IPO5: variants seen among roughly 807,000 people sequenced by gnomAD.
The protein encoded by IPO5 is importin 5.
IPO5 carries 18 observed loss-of-function variants against 143.3 expected under a neutral mutation model. The ratio of observed to expected loss-of-function variants is 0.13; its 90% CI spans 0.09 to 0.19. The LOEUF is 0.19. Ranked by LOEUF, IPO5 falls within the 10% of genes least tolerant of loss-of-function variation. IPO5 has a pLI of 1.00. For synonymous variants in IPO5, 477 were observed against 465.7 expected, an observed-to-expected ratio of 1.02 and a Z score of -0.31; for missense variants, 1,013 against 1,336.9, an observed-to-expected ratio of 0.76 and a Z score of 3.78.
At chr13:98,008,724 C>T (rs1661984527) in intron 18 of IPO5, among the ~76,000 whole-genome samples, 1 of 152,168 alleles carries the variant, frequency 6.6e-6, no homozygotes, top group African/African-American at 2.4e-5. Context: ...TCATCCTTTA[C>T]AAGATTTTCC....
intron 5 of IPO5, among the ~76,000 whole-genome samples, 160 bp from the exon 6 acceptor site, chr13:97,985,261 G>A (rs1887229206): frequency 6.6e-6 from 1 of 152,094 alleles, no homozygotes; most frequent in Non-Finnish European, 1.5e-5. Context: ...TTATTTTGTG[G>A]CACTAACAAA....
chr13:97,997,326 A>G (rs771067896), intron 11 of IPO5, among the ~76,000 whole-genome samples: 5 of 152,158 alleles, frequency 3.3e-5, no homozygotes, highest in Non-Finnish European at 5.9e-5. Context: ...GGTTTGACTT[A>G]ATGAATGTTG....
rs768654601 is a variant in IPO5, at chr13:98,002,508, G to A, written c.1150G>A (p.Ala384Thr). The A allele has an allele frequency of 1.9e-6, 3 of 1,613,810 alleles. No homozygotes were observed. In the African/African-American group the frequency reaches 4.0e-5, roughly 22 times the overall value. ...YRHAGLMALS[A>T]IGEGCHQQME... is the part of the protein sequence containing the mutation. ...GCATGCAGGATTGATGGCCTTATCT[G>A]CCATTGGTGAAGGGTGCCACCAGCA... Residue 384 changes from alanine (A) to threonine (T), a missense_variant, in exon 14 of 29, where the codon GCC (alanine) becomes ACC (threonine). Ala to Thr is a moderately conservative substitution (Grantham distance 58). Transcript: ENST00000651721.
chr13:98,004,458 C>T (rs557345852), intron 16 of IPO5, among the ~76,000 whole-genome samples: 55 of 152,300 alleles, frequency 3.6e-4, no homozygotes, highest in African/African-American at 1.1e-3. Flanking sequence ...TTGGTTAAAT[C>T]AGTAATGGAT....
chr13:97,998,135 C>G (rs1015636908), intron 12 of IPO5, among the ~76,000 whole-genome samples: 1 of 152,138 alleles, frequency 6.6e-6, no homozygotes, highest in African/African-American at 2.4e-5. Context: ...GCCACCACGT[C>G]CAGCTAATTT....
chr13:98,003,804 G>A (rs1888990129), intron 16 of IPO5, among the ~76,000 whole-genome samples: 3 of 151,972 alleles, frequency 2.0e-5, no homozygotes, highest in South Asian at 4.1e-4. Context: ...CTGAGGTGGT[G>A]CCACTGCCCT....
At chr13:97,967,149 G>GC (rs2139529820) in intron 2 of IPO5, among the ~76,000 whole-genome samples, 1 of 152,302 alleles carries the variant, frequency 6.6e-6, no homozygotes, top group South Asian at 2.1e-4. Flanking sequence ...TTCTAGAAAT[G>GC]TGTCCATTTC....
rs1210482429 is a variant in IPO5, at chr13:97,993,181, C to T, written c.869C>T (p.Ala290Val). 3.1e-6 allele frequency: 5 copies of T among 1,613,594 alleles called. No individual in the cohort carries two copies. The highest frequency in any genetic ancestry group is 1.1e-5 in the South Asian group (1 of 91,080). Residue 290 changes from alanine to valine, a missense_variant, in exon 11 of 29, where the codon GCA (alanine) becomes GTA (valine). Physicochemically the swap from Ala to Val is moderately conservative, Grantham distance 64 (BLOSUM62 0). Coordinates refer to ENST00000651721, the MANE Select transcript of IPO5 (RefSeq NM_002271.6). ...GTGATCGTCACCCTCTCTGAGACTGCAGCTGCTATGTTAAGAAAACATACC... is the reference window on the plus strand; with the variant it reads ...GTGATCGTCACCCTCTCTGAGACTGTAGCTGCTATGTTAAGAAAACATACC... ...LEVIVTLSET[A>V]AAMLRKHTNI...
intron 2 of IPO5, among the ~76,000 whole-genome samples, chr13:97,965,773 G>GTGTA (rs1885279147): frequency 6.6e-6 from 1 of 151,934 alleles, no homozygotes; most frequent in Admixed American, 6.6e-5. Flanking sequence ...GTGTGTGTGT[G>GTGTA]TGTGTGTGTG....
chr13:97,986,072 G>A (rs940552612), intron 6 of IPO5, among the ~76,000 whole-genome samples: 8 of 151,870 alleles, frequency 5.3e-5, no homozygotes, highest in African/African-American at 1.7e-4. Context: ...CGGTGATCAC[G>A]CTACTGCACT....
At chr13:97,962,428 G>A (rs928539946) in intron 2 of IPO5, among the ~76,000 whole-genome samples, 1 of 152,118 alleles carries the variant, frequency 6.6e-6, no homozygotes, top group Non-Finnish European at 1.5e-5. Flanking sequence ...TCATTCTAAC[G>A]CATGTGGATA....
At chr13:97,974,881 T>G (rs1485797114) in intron 3 of IPO5, among the ~76,000 whole-genome samples, 3 of 152,130 alleles carry the variant, frequency 2.0e-5, no homozygotes, top group South Asian at 4.1e-4. Flanking sequence ...CTAAGAGAAT[T>G]TTCTCTAGGA....
chr13:97,965,102 ACAC>A (rs1885210682), intron 2 of IPO5, among the ~76,000 whole-genome samples: 1 of 152,136 alleles, frequency 6.6e-6, no homozygotes, highest in African/African-American at 2.4e-5. Flanking sequence ...AGAAAACCAA[ACAC>A]CACATGTTCT....
At chr13:98,008,174 G>T in intron 18 of IPO5, 32 bp downstream of exon 18, 3 of 1,287,300 alleles carry the variant, frequency 2.3e-6, no homozygotes, top group Non-Finnish European at 3.4e-6. Context: ...GCTTTGATCC[G>T]CTAATGAGTT....
Position 97,985,442 on chromosome 13 carries a change from C to T in IPO5, c.193C>T (p.Leu65Phe), listed in dbSNP as rs146264118. The change falls in exon 6 of 29, where the codon CTC becomes TTC. Residue 65 changes from leucine to phenylalanine, a missense_variant. Coordinates refer to ENST00000651721, the MANE Select transcript of IPO5 (RefSeq NM_002271.6). ...ATAGGCTAGACAAATGGCCGCCGTT[C>T]TCCTAAGACGTCTCTTGTCCTCTGC... is the stretch of plus-strand genomic sequence containing the variant. ...AEEARQMAAV[L>F]LRRLLSSAFD... 1.2e-6 allele frequency: 2 copies of T among 1,613,972 alleles called. No individual in the cohort carries two copies. The highest frequency in any genetic ancestry group is 2.7e-5 in the African/African-American group (2 of 74,930).
intron 18 of IPO5, 150 bp from the exon 19 acceptor site, chr13:98,009,731 T>C: frequency 1.6e-6 from 1 of 638,176 alleles, no homozygotes; most frequent in East Asian, 2.7e-5. Flanking sequence ...CTGAACCTTT[T>C]AAGTACATAA....
At chr13:98,010,339 A>G in intron 20 of IPO5, 115 bp downstream of exon 20, 1 of 931,684 alleles carries the variant, frequency 1.1e-6, no homozygotes, top group Non-Finnish European at 1.6e-6. Context: ...TATGTTCCTT[A>G]AAAAGTAAAG....
At chr13:97,955,687 A>G (rs1327421552) in intron 2 of IPO5, among the ~76,000 whole-genome samples, 1 of 152,074 alleles carries the variant, frequency 6.6e-6, no homozygotes, top group African/African-American at 2.4e-5. Context: ...GCCCCAATTT[A>G]CAGATGAGGA....
At chr13:97,954,270 CA>C (rs1226852749) in intron 2 of IPO5, 72 bp downstream of exon 2, 1 of 153,538 alleles carries the variant, frequency 6.5e-6, no homozygotes, top group East Asian at 1.9e-4. Flanking sequence ...TCCTTTAAAA[CA>C]AAAAGCTCCT....
Sources: allele counts gnomAD v4.1 joint callset (sites outside exome capture counted in the v4.1 genomes callset), GRCh38; gene constraint gnomAD v4.1.1; transcripts MANE v1.5; gene names NCBI Gene and HGNC (gene_info 2026-07-23, HGNC 2026-07-21).